The following CTPS2 variants were observed in gnomAD, a reference collection of about 807,000 sequenced individuals.
CTPS2 encodes the protein CTP synthase 2, also known as CTP synthase II.
A neutral mutation model predicts 46.8 loss-of-function variants in CTPS2; 19 were observed. The observed-to-expected ratio is 0.41, with a 90% confidence interval of 0.28 to 0.60. CTPS2 has a LOEUF of 0.60. Ranked by LOEUF, CTPS2 falls within the 20% of genes least tolerant of loss-of-function variation. The probability of loss-of-function intolerance (pLI) is 0.35; values close to 1 mark genes in which losing one functional copy is unlikely to be tolerated. For synonymous variants in CTPS2, 151 were observed against 165.2 expected (o/e 0.91, Z 0.66); for missense variants, 286 against 447.6 (o/e 0.64, Z 3.26).
intron 13 of CTPS2, among the ~76,000 whole-genome samples, chrX:16,651,418 A>C (rs1053445672): frequency 2.7e-4 from 30 of 111,842 alleles, no homozygotes; most frequent in African/African-American, 9.8e-4. Context: ...GAAGACCCAC[A>C]AGTCACCAAG....
chrX:16,648,556 A>G (rs1382346396), intron 13 of CTPS2, among the ~76,000 whole-genome samples: 1 of 112,711 alleles, frequency 8.9e-6, no homozygotes, highest in Non-Finnish European at 1.9e-5. Flanking sequence ...AAAACAGAAC[A>G]TATGTGTAAA....
intron 8 of CTPS2, among the ~76,000 whole-genome samples, chrX:16,687,232 G>C (rs1011391373): frequency 2.2e-4 from 24 of 110,898 alleles, no homozygotes. Context: ...CAGGCATATG[G>C]CTCATTCCTG....
chrX:16,691,190 A>G (rs1331946069), intron 7 of CTPS2, among the ~76,000 whole-genome samples: 1 of 112,142 alleles, frequency 8.9e-6, no homozygotes, highest in East Asian at 2.8e-4. Context: ...GTGGTGGCGC[A>G]TGCCTATAAT....
At chrX:16,687,179 A>G (rs1005230713) in intron 8 of CTPS2, among the ~76,000 whole-genome samples, 2 of 111,238 alleles carry the variant, frequency 1.8e-5, no homozygotes, top group Non-Finnish European at 3.8e-5. Flanking sequence ...CCAGGAAGCT[A>G]ATACAAAGAC....
At chrX:16,632,852 C>T (rs915205525) in intron 14 of CTPS2, among the ~76,000 whole-genome samples, 6 of 111,111 alleles carry the variant, frequency 5.4e-5, no homozygotes, top group African/African-American at 2.0e-4. Context: ...CAACTGTGTG[C>T]CACTTCATCT....
chrX:16,674,315 C>G (rs904641600), intron 10 of CTPS2, among the ~76,000 whole-genome samples: 10 of 110,147 alleles, frequency 9.1e-5, no homozygotes, highest in Non-Finnish European at 1.1e-4. Context: ...AGGTATGCAC[C>G]ACCACACCTA....
chrX:16,647,682 C>T (rs1048809011), intron 13 of CTPS2, among the ~76,000 whole-genome samples: 1 of 111,422 alleles, frequency 9.0e-6, no homozygotes, highest in African/African-American at 3.3e-5. Context: ...TTTATATATA[C>T]ATACACACGT....
rs1225844400 is a variant in CTPS2 at position 16,598,235 on chromosome X, C to CA, written c.1692-7374dup. Among the ~76,000 whole-genome samples, 7 of 110,833 alleles carry CA rather than the reference C, an allele frequency of 6.3e-5. No homozygotes were observed. The South Asian group carries it at 1.9e-3, about 30-fold the overall frequency. On this transcript the variant is annotated intron_variant, in intron 17 of 18. Transcript: ENST00000359276. Reference sequence around the variant, plus strand: ...AGCAGAACTGAAGGAAATAGAGACACAAAAAATCCTTCAAAAAATTAATGA... The same window carrying CA: ...AGCAGAACTGAAGGAAATAGAGACACAAAAAAATCCTTCAAAAAATTAATGA...
intron 8 of CTPS2, among the ~76,000 whole-genome samples, chrX:16,684,936 CA>C (rs1957193479): frequency 9.0e-6 from 1 of 111,397 alleles, no homozygotes. Flanking sequence ...ACTAAAAATA[CA>C]AAAATTAGGC....
intron 14 of CTPS2, among the ~76,000 whole-genome samples, chrX:16,625,727 G>GAGGA (rs112121637): frequency 0.097 from 10,623 of 109,987 alleles, 926 homozygotes; most frequent in African/African-American, 0.27. Flanking sequence ...GGATGGGGAG[G>GAGGA]AAGGAGATGG....
chrX:16,627,582 T>A (rs1931225666), intron 14 of CTPS2, among the ~76,000 whole-genome samples: 2 of 111,532 alleles, frequency 1.8e-5, no homozygotes, highest in Non-Finnish European at 3.8e-5. Flanking sequence ...CTACCACTCC[T>A]TACTGCCTCT....
rs969255513 is a variant in CTPS2 at position 16,701,749 on chromosome X, C to T, written c.166+988G>A. 2.7e-5 allele frequency among the ~76,000 whole-genome samples: 3 copies of T among 109,486 alleles called. No individual in the cohort carries two copies. The Admixed American group carries it at 2.9e-4, about 11-fold the overall frequency. On this transcript the variant is annotated intron_variant, in intron 2 of 18. Transcript: ENST00000359276. ...CCGAGTAGCTGGGACTACAGGCGCT[C>T]GCCACCGCGCCCGGCTAATTTTTGT...
At chrX:16,698,574 G>A (rs183413594) in intron 3 of CTPS2, among the ~76,000 whole-genome samples, 3 of 109,803 alleles carry the variant, frequency 2.7e-5, no homozygotes, top group African/African-American at 9.9e-5. Flanking sequence ...TTTTTAAGAT[G>A]GAGTCTCACT....
intron 17 of CTPS2, among the ~76,000 whole-genome samples, chrX:16,606,184 C>T (rs1328058473): frequency 4.4e-5 from 5 of 112,565 alleles, no homozygotes; most frequent in African/African-American, 1.3e-4. Context: ...ATATCATCAG[C>T]GCCAACTTCT....
At chrX:16,652,545 G>A (rs1164159256) in intron 13 of CTPS2, among the ~76,000 whole-genome samples, 1 of 112,039 alleles carries the variant, frequency 8.9e-6, no homozygotes, top group Admixed American at 9.5e-5. Context: ...AAACAAGTTA[G>A]TGAAAAAATT....
chrX:16,654,850 C>T (rs1463386524), intron 13 of CTPS2, among the ~76,000 whole-genome samples: 1 of 109,763 alleles, frequency 9.1e-6, no homozygotes, highest in Admixed American at 9.8e-5. Flanking sequence ...CACGCCACTG[C>T]ACTCCAGCCT....
At chrX:16,672,467 C>T (rs772745930) in intron 10 of CTPS2, among the ~76,000 whole-genome samples, 82 of 111,177 alleles carry the variant, frequency 7.4e-4, no homozygotes, top group Non-Finnish European at 1.4e-3. Flanking sequence ...TTACTCAAGG[C>T]GACCATCTTG....
intron 17 of CTPS2, among the ~76,000 whole-genome samples, chrX:16,601,607 G>A (rs772933457): frequency 9.2e-6 from 1 of 109,113 alleles, no homozygotes; most frequent in South Asian, 4.2e-4. Flanking sequence ...AAATAATGTG[G>A]GGAGATCATT....
chrX:16,632,708 G>A (rs1301567698), intron 14 of CTPS2, among the ~76,000 whole-genome samples: 1 of 111,687 alleles, frequency 9.0e-6, no homozygotes, highest in Non-Finnish European at 1.9e-5. Context: ...ACAGGCATGA[G>A]CCACCATGCC....
Sources: gnomAD v4.1 joint callset for allele counts (sites outside exome capture counted in the v4.1 genomes callset) on GRCh38, gnomAD v4.1.1 for gene constraint, MANE v1.5 for transcripts, NCBI Gene and HGNC (gene_info 2026-07-23, HGNC 2026-07-21) for gene names.